Variants in FSTL4 observed in about 807,000 individuals in gnomAD.
FSTL4 encodes follistatin-related protein 4.
A neutral mutation model predicts 78.2 loss-of-function variants in FSTL4; 28 were observed. The ratio of observed to expected loss-of-function variants is 0.36; its 90% confidence interval spans 0.27 to 0.49. The LOEUF is 0.49. Ranked by LOEUF, FSTL4 falls within the 20% of genes least tolerant of loss-of-function variation. The pLI, the probability that FSTL4 is intolerant of heterozygous loss-of-function variation, is 0.98. For missense variants in FSTL4, 922 were observed against 1,084.9 expected, an observed-to-expected ratio of 0.85 and a Z score of 2.11; for synonymous variants, 422 against 440.5, an observed-to-expected ratio of 0.96 and a Z score of 0.53.
chr5:133,583,237 ACTTGG>A (rs1427515779), intron 2 of FSTL4: 3 of 455,686 alleles, frequency 6.6e-6, no homozygotes, highest in East Asian at 1.4e-4. Flanking sequence ...ACAGTAACCA[ACTTGG>A]CTGCCAATGC....
chr5:133,808,846 T>C, the FSTL4 span, among the ~76,000 whole-genome samples: 1 of 138,338 alleles, frequency 7.2e-6, no homozygotes, highest in African/African-American at 2.7e-5. Context: ...CTTCACTCAC[T>C]CCCCGCCCCC....
chr5:133,780,973 C>T, the FSTL4 span, among the ~76,000 whole-genome samples: 2 of 152,190 alleles, frequency 1.3e-5, no homozygotes, highest in Admixed American at 6.5e-5. Flanking sequence ...CCAGAACTCA[C>T]GGCAAGTGGA....
chr5:133,414,055 C>T (rs1215707861), intron 3 of FSTL4, among the ~76,000 whole-genome samples: 1 of 152,078 alleles, frequency 6.6e-6, no homozygotes, highest in Non-Finnish European at 1.5e-5. Context: ...CTCACATTTT[C>T]TGGAATATAA....
intron 4 of FSTL4, among the ~76,000 whole-genome samples, chr5:133,395,572 G>A (rs1214366941): frequency 6.6e-6 from 1 of 152,202 alleles, no homozygotes; most frequent in Non-Finnish European, 1.5e-5. Context: ...TGGTCAGCTT[G>A]AGTTCAGACT....
intron 7 of FSTL4, among the ~76,000 whole-genome samples, chr5:133,242,770 A>G (rs962436906): frequency 3.3e-5 from 5 of 152,352 alleles, no homozygotes; most frequent in Non-Finnish European, 5.9e-5. Flanking sequence ...GCTACAGAGA[A>G]TTGGCCAAAG....
chr5:133,618,842 C>T, the FSTL4 span, among the ~76,000 whole-genome samples: 12 of 152,162 alleles, frequency 7.9e-5, no homozygotes, highest in Admixed American at 5.9e-4. Context: ...TCAGGATTTA[C>T]GTACTACAAA....
chr5:133,618,391 G>T, the FSTL4 span, among the ~76,000 whole-genome samples: 1 of 152,236 alleles, frequency 6.6e-6, no homozygotes, highest in East Asian at 1.9e-4. Context: ...AGGGGAGGAG[G>T]GTGAGCAAGG....
In FSTL4 at chr5:133,282,359, C is replaced by T. The variant is rs1455387560; in HGVS notation, c.727+30295G>A. On this transcript the variant is annotated intron_variant, in intron 6 of 15. Coordinates refer to ENST00000265342, the MANE Select transcript of FSTL4 (RefSeq NM_015082.2). ...CCCAGAGGAGTCTTCCTGGTAGATC[C>T]TTGCATGTTCCAGGGTAGGAAATCT... Among the ~76,000 whole-genome samples, 154 of 152,262 alleles carry T rather than the reference C, an allele frequency of 1.0e-3. 3 individuals carry two copies. Among genetic ancestry groups the T allele is most frequent in the African/African-American group, 3.4e-3 (143 of 41,554 alleles).
chr5:133,744,430 A>G, the FSTL4 span, among the ~76,000 whole-genome samples: 1 of 152,292 alleles, frequency 6.6e-6, no homozygotes, highest in East Asian at 1.9e-4. Context: ...TCCGTAGCCC[A>G]CAGCCCCCGC....
chr5:133,375,312 A>ATATATATATATATATATAT (rs1554109201), intron 4 of FSTL4, among the ~76,000 whole-genome samples: 69 of 134,612 alleles, frequency 5.1e-4, no homozygotes, highest in African/African-American at 9.5e-4. Flanking sequence ...ATATATATAT[A>ATATATATATATATATATAT]AAAGACTCTA....
chr5:133,227,796 A>G (rs1340446392), intron 8 of FSTL4, among the ~76,000 whole-genome samples: 1 of 152,260 alleles, frequency 6.6e-6, no homozygotes, highest in African/African-American at 2.4e-5. Context: ...GTAAAAACCA[A>G]CAAAACAGCC....
intron 3 of FSTL4, among the ~76,000 whole-genome samples, chr5:133,487,357 T>C (rs915529189): frequency 1.3e-5 from 2 of 152,148 alleles, no homozygotes; most frequent in Non-Finnish European, 2.9e-5. Flanking sequence ...CACTTCCTTC[T>C]GCAATCTGAG....
the FSTL4 span, among the ~76,000 whole-genome samples, chr5:133,768,156 G>T: frequency 6.6e-6 from 1 of 152,132 alleles, no homozygotes; most frequent in Non-Finnish European, 1.5e-5. Context: ...TCCTCCTGGG[G>T]TCCACACCCA....
In FSTL4 at chr5:133,562,106, C is replaced by T. The variant is rs915000028; in HGVS notation, c.160+5080G>A. On this transcript the variant is annotated intron_variant, in intron 3 of 15. Coordinates refer to ENST00000265342, the MANE Select transcript of FSTL4 (RefSeq NM_015082.2). ...AAAAGCCATCTCTTTCCCCAGATGG[C>T]AGTCTTGAATTGAAAAAGACCCACG... 2.6e-4 allele frequency among the ~76,000 whole-genome samples: 39 copies of T among 152,300 alleles called. 1 individual carries two copies. The South Asian group carries it at 3.7e-3, about 15-fold the overall frequency.
intron 6 of FSTL4, among the ~76,000 whole-genome samples, chr5:133,277,203 C>T (rs889855220): frequency 1.3e-5 from 2 of 152,048 alleles, no homozygotes; most frequent in African/African-American, 2.4e-5. Flanking sequence ...GTAATCCCAG[C>T]TACTTGGGAG....
At chr5:133,500,755 A>G (rs1393467852) in intron 3 of FSTL4, among the ~76,000 whole-genome samples, 1 of 152,212 alleles carries the variant, frequency 6.6e-6, no homozygotes, top group Non-Finnish European at 1.5e-5. Context: ...ATTTCCAAAA[A>G]AGATTTCCTA....
At chr5:133,489,327 C>A (rs1235502183) in intron 3 of FSTL4, among the ~76,000 whole-genome samples, 1 of 152,174 alleles carries the variant, frequency 6.6e-6, no homozygotes, top group Middle Eastern at 3.2e-3. Context: ...AGAACTCAGT[C>A]AGCTAAATAA....
chr5:133,394,585 C>G (rs973343470), intron 4 of FSTL4, among the ~76,000 whole-genome samples: 5 of 152,262 alleles, frequency 3.3e-5, no homozygotes, highest in African/African-American at 4.8e-5. Flanking sequence ...TCAGCTGCCT[C>G]CCCGCAGGGC....
chr5:133,463,561 G>A lies in FSTL4; in HGVS notation c.161-62575C>T, dbSNP rs373825009. 1.3e-4 allele frequency among the ~76,000 whole-genome samples: 20 copies of A among 152,314 alleles called. No homozygotes were observed. The East Asian group carries it at 2.3e-3, about 18-fold the overall frequency. On this transcript the variant is annotated intron_variant, in intron 3 of 15. Coordinates refer to ENST00000265342, the MANE Select transcript of FSTL4 (RefSeq NM_015082.2). ...GTTTCTTCTCTGGGGTGCAAACCCA[G>A]ACAGCAAGGCAGGGGAAATGGTCTG... is the stretch of plus-strand genomic sequence containing the variant.
Sources: gnomAD v4.1 joint callset for allele counts (sites outside exome capture counted in the v4.1 genomes callset) on GRCh38, gnomAD v4.1.1 for gene constraint, MANE v1.5 for transcripts, NCBI Gene and HGNC (gene_info 2026-07-23, HGNC 2026-07-21) for gene names.